The following GSE1 variants were observed in gnomAD, a reference collection of about 807,000 sequenced individuals.
GSE1 encodes Gse1 coiled-coil protein.
GSE1 carries 32 observed loss-of-function variants against 112.6 expected under a neutral mutation model. The ratio of observed to expected loss-of-function variants is 0.28; its 90% CI spans 0.21 to 0.38. The LOEUF (loss-of-function observed/expected upper bound fraction) is 0.38. Ranked by LOEUF, GSE1 falls within the 10% of genes least tolerant of loss-of-function variation. The pLI, the probability that GSE1 is intolerant of heterozygous loss-of-function variation, is 1.00. For synonymous variants in GSE1, 1,115 were observed against 735.6 expected (o/e 1.52, Z -8.35); for missense variants, 2,348 against 1,699.2 (o/e 1.38, Z -6.71).
chr16:85,601,756 CG>C (rs1409891509), intron 1 of GSE1, among the ~76,000 whole-genome samples: 5 of 152,214 alleles, frequency 3.3e-5, no homozygotes, highest in African/African-American at 1.2e-4. Context: ...TTGCAGCCGA[CG>C]TGAGCTAGGG....
At chr16:85,486,828 G>T (rs1190750247) in intron 2 of GSE1, among the ~76,000 whole-genome samples, 1 of 152,252 alleles carries the variant, frequency 6.6e-6, no homozygotes, top group Non-Finnish European at 1.5e-5. Flanking sequence ...TCCCGGCATG[G>T]CTGGGGCCTC....
At chr16:85,399,971 G>A (rs2048058217) in intron 2 of GSE1, among the ~76,000 whole-genome samples, 2 of 152,212 alleles carry the variant, frequency 1.3e-5, no homozygotes. Context: ...GCGCCCCATG[G>A]AGTGTGACCT....
At chr16:85,637,724 C>T (rs55733612) in intron 2 of GSE1, among the ~76,000 whole-genome samples, 1 of 151,218 alleles carries the variant, frequency 6.6e-6, no homozygotes, top group Non-Finnish European at 1.5e-5. Flanking sequence ...GACCCCTGCC[C>T]CGCAGGTGTA....
In GSE1 at chr16:85,464,552, T is replaced by G. The variant is rs2050071194; in HGVS notation, c.2464+106909T>G. ...CAGCTGTGTGACCTTGGCCTGGTCATGCGGTGTCTGGGAGTCTCTGTTTCC... is the reference window on the plus strand; with the variant it reads ...CAGCTGTGTGACCTTGGCCTGGTCAGGCGGTGTCTGGGAGTCTCTGTTTCC... On this transcript the variant is annotated intron_variant, in intron 2 of 2. Transcript: ENST00000637419. 2.6e-5 allele frequency among the ~76,000 whole-genome samples: 4 copies of G among 152,164 alleles called. No homozygotes were observed. In the South Asian group the frequency reaches 8.3e-4, roughly 32 times the overall value.
In GSE1 at chr16:85,517,169, G is replaced by A. The variant is rs146318118; in HGVS notation, c.2465-116745G>A. ...TTGTGGGCAGGCTGTGTCCCCCCTC[G>A]CTGGGGAGATGAAGGCAGCCTAGGG... is the stretch of plus-strand genomic sequence containing the variant. On this transcript the variant is annotated intron_variant, in intron 2 of 2. Coordinates refer to the GSE1 transcript ENST00000637419. Among the ~76,000 whole-genome samples, 39 of 152,166 alleles carry A rather than the reference G, an allele frequency of 2.6e-4. No individual in the cohort carries two copies. The East Asian group carries it at 5.4e-3, about 21-fold the overall frequency.
At chr16:85,200,723 AAT>A (rs542873429) in intron 1 of GSE1, among the ~76,000 whole-genome samples, 10 of 152,250 alleles carry the variant, frequency 6.6e-5, no homozygotes, top group African/African-American at 2.4e-4. Flanking sequence ...AAACCTCAAC[AAT>A]TTTTGTCGTG....
At chr16:85,495,430 TTTATTTA>T (rs879706055) in intron 2 of GSE1, among the ~76,000 whole-genome samples, 833 of 5,552 alleles carry the variant, frequency 0.15, 5 homozygotes, top group Non-Finnish European at 0.19. Context: ...CTGGGAACAT[TTTATTTA>T]TTTATTTATT....
intron 1 of GSE1, among the ~76,000 whole-genome samples, chr16:85,337,760 G>C (rs751152255): frequency 2.6e-5 from 4 of 152,198 alleles, no homozygotes; most frequent in Non-Finnish European, 5.9e-5. Flanking sequence ...AGGAGTCCTG[G>C]TTGTCCAGGT....
In GSE1 at chr16:85,598,176, T is replaced by G. The variant is rs897987552; in HGVS notation, c.37+41813T>G. Reference sequence around the variant, plus strand: ...GGCCTGAGGTTTGGTTGTTTTTTTTTTTTTTTTTTTTTTTTCACTTTCTCA... The same window carrying G: ...GGCCTGAGGTTTGGTTGTTTTTTTTGTTTTTTTTTTTTTTTCACTTTCTCA... On this transcript the variant is annotated intron_variant, in intron 1 of 2. Transcript: ENST00000635906. 1.2e-4 allele frequency among the ~76,000 whole-genome samples: 17 copies of G among 146,424 alleles called. No homozygotes were observed. The South Asian group carries it at 2.5e-3, about 21-fold the overall frequency.
intron 2 of GSE1, among the ~76,000 whole-genome samples, chr16:85,377,943 T>C (rs1385705909): frequency 6.6e-6 from 1 of 152,204 alleles, no homozygotes; most frequent in African/African-American, 2.4e-5. Flanking sequence ...CCTCTCAGCC[T>C]TATCTTGGCC....
chr16:85,486,945 A>G (rs2050861467), intron 2 of GSE1, among the ~76,000 whole-genome samples: 1 of 152,094 alleles, frequency 6.6e-6, no homozygotes, highest in Admixed American at 6.5e-5. Context: ...ATGAGTGGTC[A>G]TTTTGTGCCT....
In GSE1 at chr16:85,597,669, C is replaced by A. The variant is rs189495924; in HGVS notation, c.37+41306C>A. Among the ~76,000 whole-genome samples, 425 of 152,186 alleles carry A rather than the reference C, an allele frequency of 2.8e-3. 1 individual carries two copies. Among genetic ancestry groups the A allele is most frequent in the African/African-American group, 9.9e-3 (409 of 41,514 alleles). On this transcript the variant is annotated intron_variant, in intron 1 of 2. Transcript: ENST00000635906. ...ATTTTTTTGTAGAGATGGGGTTTCG[C>A]CATGTTGCCTAGACTGGTCTCAAAC...
intron 1 of GSE1, among the ~76,000 whole-genome samples, chr16:85,620,575 C>A (rs755740182): frequency 3.3e-5 from 5 of 152,260 alleles, no homozygotes; most frequent in African/African-American, 7.2e-5. Context: ...TGCCGATCCA[C>A]GCGGTCGTCT....
chr16:85,587,872 G>A (rs764258638), intron 1 of GSE1, among the ~76,000 whole-genome samples: 1 of 152,152 alleles, frequency 6.6e-6, no homozygotes, highest in African/African-American at 2.4e-5. Flanking sequence ...GTGTCTGGAC[G>A]GTGAAAGAGT....
chr16:85,636,009 G>C (rs761930822), intron 2 of GSE1, among the ~76,000 whole-genome samples: 1 of 152,244 alleles, frequency 6.6e-6, no homozygotes, highest in South Asian at 2.1e-4. Context: ...TTGGTGGCTC[G>C]GCCAGCGGGT....
exon 1 of GSE1, chr16:85,170,777 G>A (rs2074346833): frequency 3.0e-6 from 3 of 985,406 alleles, no homozygotes; most frequent in South Asian, 9.4e-5. Flanking sequence ...GAGGGCGGCA[G>A]TACCTTGGTG....
intron 1 of GSE1, among the ~76,000 whole-genome samples, chr16:85,313,355 C>A (rs1010116695): frequency 1.3e-5 from 2 of 152,122 alleles, no homozygotes; most frequent in Non-Finnish European, 2.9e-5. Context: ...AGCGTGATTC[C>A]GTGTTTGGGG....
chr16:85,228,041 A>C (rs2075518933), intron 1 of GSE1, among the ~76,000 whole-genome samples: 1 of 152,154 alleles, frequency 6.6e-6, no homozygotes, highest in South Asian at 2.1e-4. Flanking sequence ...TGGAGGAGGC[A>C]GCAGTCAAGT....
chr16:85,208,718 C>T (rs2075164414), intron 1 of GSE1, among the ~76,000 whole-genome samples: 1 of 151,358 alleles, frequency 6.6e-6, no homozygotes, highest in Non-Finnish European at 1.5e-5. Context: ...CTTAGCTTAG[C>T]CTGGGCCGCA....
Sources: allele counts gnomAD v4.1 joint callset (sites outside exome capture counted in the v4.1 genomes callset), GRCh38; gene constraint gnomAD v4.1.1; transcripts MANE v1.5; gene names NCBI Gene and HGNC (gene_info 2026-07-23, HGNC 2026-07-21).